Variants in FSCN2 observed in about 807,000 individuals in gnomAD.
The protein encoded by FSCN2 is fascin actin-bundling protein 2, retinal.
A neutral mutation model predicts 37.8 loss-of-function variants in FSCN2; 46 were observed. The observed-to-expected ratio is 1.22, with a 90% CI of 0.96 to 1.56. The LOEUF (loss-of-function observed/expected upper bound fraction) is 1.56. Among genes scored for constraint, FSCN2 ranks in the 40% most tolerant of loss-of-function variants. The probability of loss-of-function intolerance (pLI) is 0.00; values close to 1 mark genes in which losing one functional copy is unlikely to be tolerated. For missense variants in FSCN2, 844 were observed against 730.4 expected, an observed-to-expected ratio of 1.16 and a Z score of -1.79; for synonymous variants, 351 against 309.4, an observed-to-expected ratio of 1.13 and a Z score of -1.41.
chr17:81,515,298 C>T, the FSCN2 span, among the ~76,000 whole-genome samples: 1 of 151,682 alleles, frequency 6.6e-6, no homozygotes, highest in Non-Finnish European at 1.5e-5. Context: ...GAACCAGTGC[C>T]GGAGAGGGCC....
At chr17:81,531,522 G>T in intron 1 of FSCN2, among the ~76,000 whole-genome samples, 1 of 90,812 alleles carries the variant, frequency 1.1e-5, no homozygotes. Context: ...GGTGATGGTG[G>T]TGATGGCGAT....
At chr17:81,517,683 C>T in the FSCN2 span, among the ~76,000 whole-genome samples, 1 of 152,092 alleles carries the variant, frequency 6.6e-6, no homozygotes, top group African/African-American at 2.4e-5. Context: ...TCCCCTGTGG[C>T]CTCCCAGAGC....
At position 81,536,699 on chromosome 17, in the gene FSCN2, C is replaced by T; in HGVS notation, c.1183C>T (p.His395Tyr). ...VLRGLDGFVC[H>Y]HRGSNQLDTN... The stretch of plus-strand genomic sequence containing the variant: ...GCGCGGCCTGGACGGCTTCGTCTGC[C>T]ACCACCGCGGCTCCAACCAGCTGGA... Residue 395 changes from histidine (H) to tyrosine (Y), a missense_variant, in exon 4 of 5, where the codon CAC becomes TAC. Physicochemically the swap from His to Tyr is moderately conservative, Grantham distance 83. Coordinates refer to ENST00000417245, the MANE Select transcript of FSCN2 (RefSeq NM_012418.4). The T allele has an allele frequency of 6.2e-7, 1 of 1,611,238 alleles. No homozygotes were observed. Among genetic ancestry groups the T allele is most frequent in the Non-Finnish European group, 8.5e-7 (1 of 1,179,444 alleles).
Position 81,529,060 on chromosome 17 carries a change from C to A in FSCN2, c.529C>A (p.Leu177Ile). The A allele has an allele frequency of 6.3e-7, 1 of 1,592,520 alleles. No individual in the cohort carries two copies. The highest frequency in any genetic ancestry group is 8.5e-7 in the Non-Finnish European group (1 of 1,172,232). The stretch of plus-strand genomic sequence containing the variant: ...CTGGGGCGTGGACGCCCTCCTCACC[C>A]TCATCTTCCGGAGCCGACGGTACTG... The part of the protein sequence containing the change: ...KPWGVDALLT[L>I]IFRSRRYCLK... Residue 177 changes from leucine to isoleucine, a missense_variant, in exon 1 of 5, where the codon CTC (leucine) becomes ATC (isoleucine). Coordinates refer to ENST00000417245, the MANE Select transcript of FSCN2 (RefSeq NM_012418.4).
chr17:81,530,031 T>C (rs547243127), intron 1 of FSCN2: 40 of 272,398 alleles, frequency 1.5e-4, no homozygotes, highest in South Asian at 6.9e-4. Context: ...AGGATGGTCT[T>C]GATCTCCTGA....
At chr17:81,532,548 A>ATGGTGATGG (rs1355265809) in intron 1 of FSCN2, among the ~76,000 whole-genome samples, 1 of 130,502 alleles carries the variant, frequency 7.7e-6, no homozygotes, top group Non-Finnish European at 1.6e-5. Context: ...GATGGTGGTG[A>ATGGTGATGG]TGGTGATGGT....
intron 1 of FSCN2, among the ~76,000 whole-genome samples, chr17:81,532,043 GGTGATGATGGTGATGGTGATGATA>G (rs2032665863): frequency 7.2e-6 from 1 of 139,160 alleles, no homozygotes; most frequent in African/African-American, 2.7e-5. Flanking sequence ...TGATGATGAT[GGTGATGATGGTGATGGTGATGATA>G]GTGATGGTGG....
At chr17:81,532,170 GTGGTGGTGA>G (rs2032681302) in intron 1 of FSCN2, among the ~76,000 whole-genome samples, 2 of 110,998 alleles carry the variant, frequency 1.8e-5, no homozygotes, top group African/African-American at 1.0e-4. Context: ...GATGGTGATG[GTGGTGGTGA>G]TGGTGGTGGT....
At chr17:81,516,944 A>G in the FSCN2 span, among the ~76,000 whole-genome samples, 2 of 151,762 alleles carry the variant, frequency 1.3e-5, no homozygotes. Context: ...GTTTTGTCCA[A>G]TTCTCACCAC....
intron 1 of FSCN2, among the ~76,000 whole-genome samples, chr17:81,533,029 G>C (rs2032748882): frequency 6.6e-6 from 1 of 152,138 alleles, no homozygotes; most frequent in Non-Finnish European, 1.5e-5. Context: ...GTAGGGAGCG[G>C]GACATGGCAT....
At chr17:81,528,370 G>T (rs1186950012), upstream of FSCN2, 5 of 610,118 alleles carry the variant, frequency 8.2e-6, no homozygotes, top group Non-Finnish European at 1.4e-5. Flanking sequence ...GGCTGCTGCC[G>T]CGGGTCAGAG....
At position 81,535,836 on chromosome 17, in the gene FSCN2, CCCATCCCCATCTCCATCA is replaced by C. The variant is rs1389807687; in HGVS notation, c.984-301_984-284del. On this transcript the variant is annotated intron_variant, in intron 2 of 4. Transcript: ENST00000417245. ...CTCCATCACCATCCCCCTCTCCATC[CCCATCCCCATCTCCATCA>C]CCATCCCCCTCTCCATCCCCATCCC... Among the ~76,000 whole-genome samples, 13 of 105,606 alleles carry C rather than the reference CCCATCCCCATCTCCATCA, an allele frequency of 1.2e-4. 1 individual carries two copies. The highest frequency in any genetic ancestry group is 5.6e-5 in the Non-Finnish European group (3 of 53,628). 69.3% of individuals were successfully genotyped at this position (105,606 alleles called of 152,430 possible).
intron 1 of FSCN2, among the ~76,000 whole-genome samples, chr17:81,529,809 A>G (rs2032490235): frequency 6.6e-6 from 1 of 150,944 alleles, no homozygotes; most frequent in Non-Finnish European, 1.5e-5. Flanking sequence ...TCTGGACTTC[A>G]TTTATTTATT....
intron 3 of FSCN2, 160 bp from the exon 4 acceptor site, chr17:81,536,462 T>G (rs575506068): frequency 6.7e-7 from 1 of 1,502,538 alleles, no homozygotes; most frequent in South Asian, 1.2e-5. Flanking sequence ...TTATCTCCGC[T>G]GCTGGGAACC....
At chr17:81,524,032 A>T (rs2032278290), upstream of FSCN2, among the ~76,000 whole-genome samples, 1 of 151,976 alleles carries the variant, frequency 6.6e-6, no homozygotes, top group Non-Finnish European at 1.5e-5. Flanking sequence ...TTCCCCTTGG[A>T]GCACCAGACG....
chr17:81,532,861 A>G (rs1182540985), intron 1 of FSCN2, among the ~76,000 whole-genome samples: 1 of 152,072 alleles, frequency 6.6e-6, no homozygotes, highest in African/African-American at 2.4e-5. Context: ...ATCTGACCCT[A>G]TCATCCCTTT....
chr17:81,535,994 C>G (rs183055653), intron 2 of FSCN2, among the ~76,000 whole-genome samples, 152 bp from the exon 3 acceptor site: 266 of 151,844 alleles, frequency 1.8e-3, no homozygotes, highest in Non-Finnish European at 2.5e-3. Flanking sequence ...AAAGGAAAGC[C>G]CACTGGGGCA....
In FSCN2 at chr17:81,528,888, C is replaced by T. The variant is rs189437871; in HGVS notation, c.357C>T (p.Ser119=). The change falls in exon 1 of 5, where the codon TCC becomes TCT. Residue 119 remains serine, a synonymous_variant. Coordinates refer to ENST00000417245, the MANE Select transcript of FSCN2 (RefSeq NM_012418.4). ...TCGGAGGCACCGAGGACCAGCTGTC[C>T]TGCTTCGCCACAGCCGTTTCCCCGG... is the stretch of plus-strand genomic sequence containing the variant. The part of the protein sequence containing the change: ...RFFGGTEDQL[S]CFATAVSPAE... 2.0e-3 allele frequency: 3,165 copies of T among 1,575,838 alleles called. 4 individuals are homozygous for T. The highest frequency in any genetic ancestry group is 2.5e-3 in the Non-Finnish European group (2,866 of 1,164,238).
chr17:81,515,438 G>T, the FSCN2 span, among the ~76,000 whole-genome samples: 1 of 152,272 alleles, frequency 6.6e-6, no homozygotes, highest in African/African-American at 2.4e-5. Flanking sequence ...CAGGAAGGGA[G>T]ACTTGGGGCC....
Sources: allele counts gnomAD v4.1 joint callset (sites outside exome capture counted in the v4.1 genomes callset), GRCh38; gene constraint gnomAD v4.1.1; transcripts MANE v1.5; gene names NCBI Gene and HGNC (gene_info 2026-07-23, HGNC 2026-07-21).